The following RNF144B variants were observed in gnomAD, a reference collection of about 807,000 sequenced individuals.
The protein encoded by RNF144B is E3 ubiquitin-protein ligase RNF144B.
RNF144B carries 25 observed loss-of-function variants against 40.2 expected under a neutral mutation model. The observed-to-expected ratio is 0.62, with a 90% CI of 0.45 to 0.87. The LOEUF is 0.87. Ranked by LOEUF, RNF144B falls within the 40% of genes least tolerant of loss-of-function variation. The probability of loss-of-function intolerance (pLI) is 0.00; values close to 1 mark genes in which losing one functional copy is unlikely to be tolerated. For missense variants in RNF144B, 365 were observed against 373.7 expected (o/e 0.98, Z 0.19); for synonymous variants, 145 against 136.3 (o/e 1.06, Z -0.44).
In RNF144B at chr6:18,459,846, A is replaced by G. The variant is rs1442494221; in HGVS notation, c.681+95A>G. 2.6e-6 allele frequency: 3 copies of G among 1,175,532 alleles called. No individual in the cohort carries two copies. The highest frequency in any genetic ancestry group is 2.4e-6 in the Non-Finnish European group (2 of 843,664). The allele number at this position is 1,175,532 out of a possible 1,614,324, so 72.8% of individuals were successfully genotyped here. A position where few individuals can be genotyped will look rare whatever the true frequency, so the allele number is the denominator to read the frequency against. On this transcript the variant is annotated intron_variant, in intron 6 of 7. Transcript: ENST00000259939. This position sits in a 1 kb window ranked among gnomAD's most constrained non-coding sequence, Gnocchi z 4.2. The stretch of plus-strand genomic sequence containing the variant: ...GATTTTCCTTTAAAATATTGGGGCA[A>G]TTTTTGTCCTGCAAAAGGAATTTAT...
intron 1 of RNF144B, among the ~76,000 whole-genome samples, chr6:18,393,013 A>G (rs1221592715): frequency 3.3e-5 from 5 of 151,396 alleles, no homozygotes; most frequent in Non-Finnish European, 4.4e-5. Context: ...CCCAGCTACT[A>G]GGGAGCCTGA....
chr6:18,396,111 C>T (rs1309776683), intron 1 of RNF144B, among the ~76,000 whole-genome samples: 1 of 152,134 alleles, frequency 6.6e-6, no homozygotes, highest in Non-Finnish European at 1.5e-5. Context: ...ACTTTGACTT[C>T]ATAGCCTATA....
In RNF144B at chr6:18,458,173, A is replaced by G. The variant is rs1016693998; in HGVS notation, c.536+814A>G. 7.2e-5 allele frequency among the ~76,000 whole-genome samples: 11 copies of G among 152,030 alleles called. No individual in the cohort carries two copies. The highest frequency in any genetic ancestry group is 1.6e-4 in the Non-Finnish European group (11 of 67,970). ...GGCTGGTCTTGAAATCCTGACCTCA[A>G]GTGATCCACCCGCCTAGGCCTCCCA... On this transcript the variant is annotated intron_variant, in intron 5 of 7. Transcript: ENST00000259939. This position sits in a 1 kb window ranked among gnomAD's most constrained non-coding sequence, Gnocchi z 4.8.
chr6:18,455,917 T>G (rs550791398), intron 4 of RNF144B, among the ~76,000 whole-genome samples: 17 of 152,182 alleles, frequency 1.1e-4, no homozygotes, highest in African/African-American at 3.9e-4. Context: ...TTTTTGTTTT[T>G]GTTTTTTTTG....
intron 2 of RNF144B, among the ~76,000 whole-genome samples, chr6:18,423,337 T>G (rs1758479247): frequency 6.6e-6 from 1 of 152,164 alleles, no homozygotes; most frequent in Non-Finnish European, 1.5e-5. Context: ...TGGCTATAGA[T>G]TATAATGCTT....
rs897701764 is a variant in RNF144B at position 18,446,435 on chromosome 6, C to T, written c.331+6691C>T. Among the ~76,000 whole-genome samples the T allele has an allele frequency of 5.9e-5, 9 of 152,110 alleles. No individual in the cohort carries two copies. The highest frequency in any genetic ancestry group is 1.2e-4 in the African/African-American group (5 of 41,426). On this transcript the variant is annotated intron_variant, in intron 4 of 7. Transcript: ENST00000259939. The surrounding 1 kb of genome is among the most constrained non-coding windows in gnomAD (Gnocchi z 4.7). ...TTCTATGTCTGGATCCCTGTTTCTC[C>T]GGGGGAAGCACTTTTACAGAAGTGC... is the stretch of plus-strand genomic sequence containing the variant.
chr6:18,395,042 C>T lies in RNF144B; in HGVS notation c.-36-4457C>T, dbSNP rs1332067616. Among the ~76,000 whole-genome samples the T allele has an allele frequency of 6.6e-6, 1 of 152,164 alleles. No individual in the cohort carries two copies. Among genetic ancestry groups the T allele is most frequent in the Admixed American group, 6.5e-5 (1 of 15,278 alleles). On this transcript the variant is annotated intron_variant, in intron 1 of 7. Transcript: ENST00000259939. This position sits in a 1 kb window ranked among gnomAD's most constrained non-coding sequence, Gnocchi z 4.5. Reference sequence around the variant, plus strand: ...AGGCAGCTGTCAGATTTCAAGGTGCCCCTTGCATTCTCTGCCAAAATTCTT... The same window carrying T: ...AGGCAGCTGTCAGATTTCAAGGTGCTCCTTGCATTCTCTGCCAAAATTCTT...
At chr6:18,388,934 G>A (rs1275269277) in intron 1 of RNF144B, among the ~76,000 whole-genome samples, 1 of 151,918 alleles carries the variant, frequency 6.6e-6, no homozygotes, top group East Asian at 1.9e-4. Context: ...TATAGTGAAC[G>A]TGAAAAAGAT....
In RNF144B at chr6:18,398,773, C is replaced by T. The variant is rs1794738970; in HGVS notation, c.-36-726C>T. 6.6e-6 allele frequency among the ~76,000 whole-genome samples: 1 copy of T among 152,152 alleles called. No homozygotes were observed. ...TAATGTTGCTATGAATATGGGTGTA[C>T]AAATATCTCTTTGAGACCCTGCTTT... is the stretch of plus-strand genomic sequence containing the variant. On this transcript the variant is annotated intron_variant, in intron 1 of 7. Coordinates refer to ENST00000259939, the MANE Select transcript of RNF144B (RefSeq NM_182757.4). The surrounding 1 kb of genome is among the most constrained non-coding windows in gnomAD (Gnocchi z 5.0).
chr6:18,439,650 C>CT, intron 3 of RNF144B, 34 bp from the exon 4 acceptor site: 1 of 1,524,638 alleles, frequency 6.6e-7, no homozygotes, highest in Non-Finnish European at 9.1e-7. Context: ...ACTATGATGA[C>CT]TGAAGTCTCA....
chr6:18,427,738 G>C, intron 3 of RNF144B, 53 bp downstream of exon 3: 1 of 1,183,112 alleles, frequency 8.5e-7, no homozygotes, highest in Non-Finnish European at 1.2e-6. Context: ...TTATTTATTA[G>C]GATCTTGAGT....
rs1027595674 is a variant in RNF144B, at chr6:18,460,895, G to A, written c.681+1144G>A. Among the ~76,000 whole-genome samples the A allele has an allele frequency of 1.2e-4, 18 of 152,322 alleles. No individual in the cohort carries two copies. The highest frequency in any genetic ancestry group is 1.0e-3 in the Admixed American group (16 of 15,298). ...ATAAGTTGTTTATAGATAACACTCT[G>A]TTTTGGCAATTTGGACCTCTAAAAT... On this transcript the variant is annotated intron_variant, in intron 6 of 7. Coordinates refer to ENST00000259939, the MANE Select transcript of RNF144B (RefSeq NM_182757.4). This position sits in a 1 kb window ranked among gnomAD's most constrained non-coding sequence, Gnocchi z 4.4.
chr6:18,417,964 A>G (rs1795177269), intron 2 of RNF144B, among the ~76,000 whole-genome samples: 1 of 152,202 alleles, frequency 6.6e-6, no homozygotes, highest in African/African-American at 2.4e-5. Context: ...ATGATGTACA[A>G]ATTACCAATA....
Position 18,387,410 on chromosome 6 carries a change from A to T in RNF144B, c.-257A>T. On this transcript the variant is annotated 5_prime_UTR_variant, in exon 1 of 8. Transcript: ENST00000259939. Reference sequence around the variant, plus strand: ...GGCATCGCAGCTGCCAGTCAAGGCTAGGAGGCGGTCGGGGACTCCGCCTCC... The same window carrying T: ...GGCATCGCAGCTGCCAGTCAAGGCTTGGAGGCGGTCGGGGACTCCGCCTCC... 1 of 1,176,584 alleles carries T rather than the reference A, an allele frequency of 8.5e-7. No homozygotes were observed. Among genetic ancestry groups the T allele is most frequent in the East Asian group, 7.5e-5 (1 of 13,248 alleles). 72.9% of individuals were successfully genotyped at this position (1,176,584 alleles called of 1,614,324 possible). A position where few individuals can be genotyped will look rare whatever the true frequency, so the allele number is the denominator to read the frequency against.
In RNF144B at chr6:18,448,007, A is replaced by G. The variant is rs1013200348; in HGVS notation, c.331+8263A>G. Among the ~76,000 whole-genome samples the G allele has an allele frequency of 2.6e-5, 4 of 152,174 alleles. No homozygotes were observed. Among genetic ancestry groups the G allele is most frequent in the East Asian group, 1.9e-4 (1 of 5,184 alleles). Reference sequence around the variant, plus strand: ...GAGGAGAGATATGGTCTGAGAGTTGATAACAGAGGTCTTTGGTGATCTTGA... The same window carrying G: ...GAGGAGAGATATGGTCTGAGAGTTGGTAACAGAGGTCTTTGGTGATCTTGA... On this transcript the variant is annotated intron_variant, in intron 4 of 7. Transcript: ENST00000259939. This position sits in a 1 kb window ranked among gnomAD's most constrained non-coding sequence, Gnocchi z 4.0.
Position 18,395,711 on chromosome 6 carries a change from A to G in RNF144B, c.-36-3788A>G, listed in dbSNP as rs952780398. 5.3e-5 allele frequency among the ~76,000 whole-genome samples: 8 copies of G among 152,084 alleles called. No homozygotes were observed. Among genetic ancestry groups the G allele is most frequent in the African/African-American group, 9.7e-5 (4 of 41,398 alleles). ...CATGGTGCAGGTTTAGGCTTCTGCA[A>G]TGGTGCCTGGGGGGCTGCTGAGTGG... On this transcript the variant is annotated intron_variant, in intron 1 of 7. Coordinates refer to ENST00000259939, the MANE Select transcript of RNF144B (RefSeq NM_182757.4). This position sits in a 1 kb window ranked among gnomAD's most constrained non-coding sequence, Gnocchi z 4.5.
In RNF144B at chr6:18,400,346, A is replaced by T. The variant is rs182463099; in HGVS notation, c.165+647A>T. On this transcript the variant is annotated intron_variant, in intron 2 of 7. Coordinates refer to ENST00000259939, the MANE Select transcript of RNF144B (RefSeq NM_182757.4). This position sits in a 1 kb window ranked among gnomAD's most constrained non-coding sequence, Gnocchi z 5.6. ...AGAAACTCACCAGGTATTTTAAATG[A>T]TGGAGAAGTCAGGTAGTAATTTACT... 5.3e-5 allele frequency among the ~76,000 whole-genome samples: 8 copies of T among 152,172 alleles called. No individual in the cohort carries two copies. Among genetic ancestry groups the T allele is most frequent in the Non-Finnish European group, 1.0e-4 (7 of 67,990 alleles).
rs1248551553 is a variant in RNF144B, at chr6:18,465,524, T to C, written c.*457T>C. On this transcript the variant is annotated 3_prime_UTR_variant, in exon 8 of 8. Transcript: ENST00000259939. ...AACCTGATGAGGAGAAGGATAAGAC[T>C]GCGTAAGGAGAAATCCTCATAGGAG... The C allele has an allele frequency of 6.4e-6, 1 of 156,422 alleles. No individual in the cohort carries two copies. The highest frequency in any genetic ancestry group is 2.4e-5 in the African/African-American group (1 of 41,516). The allele number at this position is 156,422 out of a possible 1,614,324, so 9.7% of individuals were successfully genotyped here.
chr6:18,454,655 G>C (rs542845202), intron 4 of RNF144B, among the ~76,000 whole-genome samples: 4 of 152,110 alleles, frequency 2.6e-5, no homozygotes, highest in Admixed American at 6.5e-5. Flanking sequence ...GCTTTCAACG[G>C]ACTGTGCCAT....
Sources: gnomAD v4.1 joint callset for allele counts (sites outside exome capture counted in the v4.1 genomes callset) on GRCh38, gnomAD v4.1.1 for gene constraint, Gnocchi (gnomAD v3.1) non-coding constraint, MANE v1.5 for transcripts, NCBI Gene and HGNC (gene_info 2026-07-23, HGNC 2026-07-21) for gene names.